ADAMTS16: variants seen among roughly 807,000 people sequenced by gnomAD.
The protein encoded by ADAMTS16 is A disintegrin and metalloproteinase with thrombospondin motifs 16.
ADAMTS16 carries 94 observed loss-of-function variants against 145.8 expected under a neutral mutation model. The ratio of observed to expected loss-of-function variants is 0.64; its 90% confidence interval spans 0.55 to 0.77. ADAMTS16 has a LOEUF of 0.77. ADAMTS16 is among the 30% of genes least tolerant of loss of function. The pLI, the probability that ADAMTS16 is intolerant of heterozygous loss-of-function variation, is 0.00. For missense variants in ADAMTS16, 1,585 were observed against 1,591.5 expected, an observed-to-expected ratio of 1.00 and a Z score of 0.07; for synonymous variants, 659 against 604.3, an observed-to-expected ratio of 1.09 and a Z score of -1.33.
chr5:5,268,372 C>T (rs1174496974), intron 18 of ADAMTS16, among the ~76,000 whole-genome samples: 1 of 152,196 alleles, frequency 6.6e-6, no homozygotes, highest in African/African-American at 2.4e-5. Context: ...GTATCCTTGA[C>T]TCACCGTACG....
rs118135152 is a variant in ADAMTS16 at position 5,155,707 on chromosome 5, C to T, written c.501+9252C>T. 1.1e-3 allele frequency among the ~76,000 whole-genome samples: 173 copies of T among 152,166 alleles called. 1 individual carries two copies. In the East Asian group the frequency reaches 0.032, roughly 28 times the overall value. On this transcript the variant is annotated intron_variant, in intron 3 of 22. Transcript: ENST00000274181. Reference sequence around the variant, plus strand: ...AGCGGCTGCAACTGGAATGATCTGCCACAGCAAGGGTGAAGTGAGAATGAC... The same window carrying T: ...AGCGGCTGCAACTGGAATGATCTGCTACAGCAAGGGTGAAGTGAGAATGAC...
intron 8 of ADAMTS16, among the ~76,000 whole-genome samples, chr5:5,198,571 G>C (rs775646230): frequency 6.6e-6 from 1 of 152,090 alleles, no homozygotes; most frequent in African/African-American, 2.4e-5. Flanking sequence ...TCCAGTCCTC[G>C]GTCTTGCTGT....
chr5:5,242,505 T>G (rs1333358023), intron 17 of ADAMTS16, among the ~76,000 whole-genome samples: 3 of 152,190 alleles, frequency 2.0e-5, no homozygotes, highest in Non-Finnish European at 4.4e-5. Context: ...GTCACGGTAA[T>G]TATGAGATAC....
In ADAMTS16 at chr5:5,274,737, GAT is replaced by G. The variant is rs34377817; in HGVS notation, c.2789+11966_2789+11967del. ...ATGCATACACACACATGCACACACAGATATATATATATACACATATATGTATA... is the reference window on the plus strand; with the variant it reads ...ATGCATACACACACATGCACACACAGATATATATATACACATATATGTATA... On this transcript the variant is annotated intron_variant, in intron 18 of 22. Transcript: ENST00000274181. Among the ~76,000 whole-genome samples the G allele has an allele frequency of 8.7e-4, 127 of 145,478 alleles. 2 individuals carry two copies. Among genetic ancestry groups the G allele is most frequent in the Middle Eastern group, 3.6e-3 (1 of 278 alleles).
At chr5:5,298,699 A>C (rs561386270) in intron 18 of ADAMTS16, among the ~76,000 whole-genome samples, 84 of 152,340 alleles carry the variant, frequency 5.5e-4, no homozygotes, top group African/African-American at 2.0e-3. Context: ...TAAAGCATTC[A>C]ATTTACTTAC....
chr5:5,169,781 G>C (rs2126540459), intron 3 of ADAMTS16, among the ~76,000 whole-genome samples: 1 of 152,288 alleles, frequency 6.6e-6, no homozygotes, highest in Middle Eastern at 3.4e-3. Context: ...CTGAGTTCCT[G>C]TTCTCGCCTG....
At chr5:5,221,911 T>C (rs533584423) in intron 10 of ADAMTS16, among the ~76,000 whole-genome samples, 28 of 152,222 alleles carry the variant, frequency 1.8e-4, no homozygotes, top group Non-Finnish European at 3.5e-4. Flanking sequence ...GATGCATCCA[T>C]TTAATTTCTT....
At chr5:5,147,472 C>A (rs1440421934) in intron 3 of ADAMTS16, among the ~76,000 whole-genome samples, 3 of 152,168 alleles carry the variant, frequency 2.0e-5, no homozygotes, top group South Asian at 2.1e-4. Context: ...TAACCAATTT[C>A]TTAAAATACT....
chr5:5,229,365 G>A (rs1560958487), intron 11 of ADAMTS16, among the ~76,000 whole-genome samples: 1 of 150,402 alleles, frequency 6.6e-6, no homozygotes, highest in Non-Finnish European at 1.5e-5. Context: ...AATAGAGAAC[G>A]TTAGGTTCCG....
chr5:5,140,636 AC>A (rs1249421046), intron 1 of ADAMTS16, 27 bp from the exon 2 acceptor site: 1 of 1,533,488 alleles, frequency 6.5e-7, no homozygotes, highest in Admixed American at 2.0e-5. Flanking sequence ...CCGCCGTCTC[AC>A]CGCGATGTCG....
chr5:5,229,851 C>T (rs1736874007), intron 11 of ADAMTS16, among the ~76,000 whole-genome samples: 1 of 152,126 alleles, frequency 6.6e-6, no homozygotes, highest in Non-Finnish European at 1.5e-5. Context: ...TATCATTAGC[C>T]TTGCAACACT....
At chr5:5,181,297 A>G (rs546044104) in intron 3 of ADAMTS16, among the ~76,000 whole-genome samples, 1 of 152,280 alleles carries the variant, frequency 6.6e-6, no homozygotes. Context: ...AGAATGTAAG[A>G]TTGCCTGCTT....
chr5:5,201,865 G>A (rs1031398613), intron 9 of ADAMTS16, among the ~76,000 whole-genome samples: 6 of 152,028 alleles, frequency 3.9e-5, no homozygotes, highest in Admixed American at 6.6e-5. Flanking sequence ...GTTCTCAACC[G>A]GCCTCTCTGG....
Position 5,236,980 on chromosome 5 carries a change from T to C in ADAMTS16, c.2035T>C (p.Cys679Arg), listed in dbSNP as rs1380065792. The C allele has an allele frequency of 8.1e-6, 13 of 1,613,204 alleles. No homozygotes were observed. In the East Asian group the frequency reaches 2.5e-4, roughly 30 times the overall value. The change falls in exon 14 of 23, where the codon TGC becomes CGC. Residue 679 changes from cysteine (C) to arginine (R), a missense_variant. This residue lies in a region of ADAMTS16 where 834 missense variants were observed against 811.7 expected (regional missense o/e 1.03). Coordinates refer to ENST00000274181, the MANE Select transcript of ADAMTS16 (RefSeq NM_139056.4). ...TATTTCTTTTTAAGATCAGGACTTATGCAAACTCTACTGTATCGCAGAAGG... is the reference window on the plus strand; with the variant it reads ...TATTTCTTTTTAAGATCAGGACTTACGCAAACTCTACTGTATCGCAGAAGG... ...PYTQVEDQDL[C>R]KLYCIAEGFD...
chr5:5,262,938 G>A (rs1738086119), intron 18 of ADAMTS16, among the ~76,000 whole-genome samples, 155 bp downstream of exon 18: 1 of 152,234 alleles, frequency 6.6e-6, no homozygotes, highest in Admixed American at 6.5e-5. Context: ...CTGGACAAGG[G>A]ACCTAGAGAG....
intron 10 of ADAMTS16, among the ~76,000 whole-genome samples, chr5:5,213,722 A>T (rs1736339340): frequency 6.6e-6 from 1 of 152,080 alleles, no homozygotes; most frequent in Admixed American, 6.6e-5. Context: ...AATGCCCAGG[A>T]TGCTCATTGA....
intron 3 of ADAMTS16, among the ~76,000 whole-genome samples, chr5:5,181,319 C>T (rs1423319354): frequency 6.6e-6 from 1 of 152,210 alleles, no homozygotes; most frequent in African/African-American, 2.4e-5. Context: ...TCCTCATGCT[C>T]ACCAACAATC....
intron 2 of ADAMTS16, among the ~76,000 whole-genome samples, chr5:5,143,863 A>G (rs962943414): frequency 5.3e-5 from 8 of 152,204 alleles, no homozygotes; most frequent in Non-Finnish European, 8.8e-5. Flanking sequence ...CATCGTTCTC[A>G]GCAAACTAAC....
intron 15 of ADAMTS16, 118 bp from the exon 16 acceptor site, chr5:5,239,563 T>C: frequency 7.0e-7 from 1 of 1,433,146 alleles, no homozygotes; most frequent in Non-Finnish European, 9.5e-7. Flanking sequence ...GAACACGTCT[T>C]CACCCAGTTC....
Sources: gnomAD v4.1 joint callset for allele counts (sites outside exome capture counted in the v4.1 genomes callset) on GRCh38, gnomAD v4.1.1 for gene constraint, gnomAD v4.1.1 regional missense constraint, MANE v1.5 for transcripts, NCBI Gene and HGNC (gene_info 2026-07-23, HGNC 2026-07-21) for gene names.